Variants in CUBN observed in about 807,000 individuals in gnomAD.
The protein encoded by CUBN is cubilin, also known as 460 kDa receptor.
A neutral mutation model predicts 405.3 loss-of-function variants in CUBN; 282 were observed. That is an observed-to-expected ratio of 0.70 (90% confidence interval 0.63 to 0.77). CUBN has a LOEUF of 0.77. Among genes scored for constraint, CUBN ranks in the 30% least tolerant of loss-of-function variants. The pLI is 0.00. For missense variants in CUBN, 4,514 were observed against 4,475.2 expected (o/e 1.01, Z -0.25); for synonymous variants, 1,684 against 1,617.0 (o/e 1.04, Z -0.99).
Position 16,920,020 on chromosome 10 carries a change from G to C in CUBN, c.6764C>G (p.Pro2255Arg). 1 of 1,613,900 alleles carries C rather than the reference G, an allele frequency of 6.2e-7. No homozygotes were observed. Among genetic ancestry groups the C allele is most frequent in the Non-Finnish European group, 8.5e-7 (1 of 1,179,958 alleles). ...AAATTGCAGCTGTATGCGTGTTTCC[G>C]GTGGAGCCGCTAAGATCCAAATGCA... is the stretch of plus-strand genomic sequence containing the variant. ...ADCIWILAAP[P>R]ETRIQLQFED... Residue 2255 changes from proline to arginine, a missense_variant, in exon 44 of 67, where the codon CCG (proline) becomes CGG (arginine). By Grantham distance (103) the Pro-to-Arg change is moderately radical (BLOSUM62 -2). This residue lies in a region of CUBN where 1,613 missense variants were observed against 1,542.8 expected (regional missense o/e 1.05). Transcript: ENST00000377833.
chr10:16,906,115 AAAC>A lies in CUBN; in HGVS notation c.7912+85_7912+87del, dbSNP rs377611276. 463 of 1,117,666 alleles carry A rather than the reference AAAC, an allele frequency of 4.1e-4. 1 individual carries two copies. In the African/African-American group the frequency reaches 5.6e-3, roughly 13 times the overall value. The allele number at this position is 1,117,666 out of a possible 1,614,324, so 69.2% of individuals were successfully genotyped here. ...GGCAAGAGAGCAAGCTCCTGTCTCA[AAAC>A]AACAACAACAGCAGCGACAACAACA... On this transcript the variant is annotated intron_variant, in intron 50 of 66. Coordinates refer to ENST00000377833, the MANE Select transcript of CUBN (RefSeq NM_001081.4).
intron 65 of CUBN, among the ~76,000 whole-genome samples, chr10:16,829,396 G>C (rs1403713942): frequency 6.6e-6 from 1 of 150,626 alleles, no homozygotes; most frequent in Non-Finnish European, 1.5e-5. Context: ...AAATCAAGTT[G>C]TTGTCTGTGT....
chr10:16,973,351 A>G (rs1832994661), intron 31 of CUBN, among the ~76,000 whole-genome samples: 1 of 152,096 alleles, frequency 6.6e-6, no homozygotes, highest in Non-Finnish European at 1.5e-5. Context: ...CATTTTCACA[A>G]TGATTCCAGA....
At chr10:17,024,244 AT>A (rs980297657) in intron 27 of CUBN, among the ~76,000 whole-genome samples, 3 of 152,084 alleles carry the variant, frequency 2.0e-5, no homozygotes, top group African/African-American at 7.2e-5. Context: ...TAGAGATCCA[AT>A]TTTTTTGTAA....
chr10:16,994,619 G>A (rs1418011247), intron 28 of CUBN, among the ~76,000 whole-genome samples: 1 of 152,118 alleles, frequency 6.6e-6, no homozygotes, highest in Non-Finnish European at 1.5e-5. Flanking sequence ...AATAACACAG[G>A]CAGGGATGTT....
At chr10:16,856,785 C>A (rs11815957) in intron 59 of CUBN, among the ~76,000 whole-genome samples, 14,096 of 152,042 alleles carry the variant, frequency 0.093, 2,194 homozygotes, top group African/African-American at 0.32. Flanking sequence ...GACTTCAGGC[C>A]CTCTCCTGTT....
At chr10:16,858,104 C>A (rs575005864) in intron 59 of CUBN, among the ~76,000 whole-genome samples, 2 of 151,994 alleles carry the variant, frequency 1.3e-5, no homozygotes, top group African/African-American at 4.8e-5. Context: ...CTTAATGAAG[C>A]AGATACAGGC....
At chr10:17,096,809 A>T (rs1055842595) in intron 14 of CUBN, among the ~76,000 whole-genome samples, 2 of 152,128 alleles carry the variant, frequency 1.3e-5, no homozygotes, top group Admixed American at 1.3e-4. Flanking sequence ...ATTAGTGATC[A>T]CATTGGTAAA....
chr10:16,981,112 T>C (rs1476509341), intron 31 of CUBN, among the ~76,000 whole-genome samples: 1 of 151,268 alleles, frequency 6.6e-6, no homozygotes, highest in African/African-American at 2.4e-5. Context: ...CCCACCCAAA[T>C]GTTGCCTTTT....
chr10:17,126,911 C>A, intron 3 of CUBN, 112 bp from the exon 4 acceptor site: 1 of 1,081,554 alleles, frequency 9.2e-7, no homozygotes, highest in Non-Finnish European at 1.4e-6. Context: ...ACACTTTGTT[C>A]ATTCCTCCTT....
At chr10:17,016,332 C>A (rs1174460177) in intron 28 of CUBN, among the ~76,000 whole-genome samples, 1 of 152,116 alleles carries the variant, frequency 6.6e-6, no homozygotes, top group African/African-American at 2.4e-5. Context: ...CAGTGGGGAT[C>A]CATACTGGGG....
At chr10:16,825,681 G>A (rs1838755312) in intron 66 of CUBN, among the ~76,000 whole-genome samples, 1 of 147,168 alleles carries the variant, frequency 6.8e-6, no homozygotes, top group Admixed American at 6.8e-5. Flanking sequence ...GTGTTGGGGG[G>A]ATACATGGGT....
intron 15 of CUBN, among the ~76,000 whole-genome samples, chr10:17,086,778 T>C (rs1046097511): frequency 1.3e-5 from 2 of 152,188 alleles, no homozygotes; most frequent in African/African-American, 4.8e-5. Flanking sequence ...AGCATAACTT[T>C]ATTCTAATAT....
chr10:16,889,366 C>T lies in CUBN; in HGVS notation c.8756-800G>A, dbSNP rs1270608528. ...TCTACTGTATTACTTCCTCTAATTC[C>T]TTTCCTCAAACTTTTCCCTAAACAG... On this transcript the variant is annotated intron_variant, in intron 55 of 66. Transcript: ENST00000377833. Among the ~76,000 whole-genome samples the T allele has an allele frequency of 2.0e-5, 3 of 152,152 alleles. No individual in the cohort carries two copies. The East Asian group carries it at 5.8e-4, about 29-fold the overall frequency.
chr10:16,860,962 T>G (rs1298739757), intron 59 of CUBN, among the ~76,000 whole-genome samples: 1 of 152,194 alleles, frequency 6.6e-6, no homozygotes, highest in Non-Finnish European at 1.5e-5. Flanking sequence ...AAACAATGAC[T>G]GGCTCCTCTT....
Position 16,865,819 on chromosome 10 carries a change from G to GT in CUBN, c.9454+3816dup, listed in dbSNP as rs1554784653. Among the ~76,000 whole-genome samples the GT allele has an allele frequency of 1.3e-3, 194 of 152,122 alleles. 1 individual carries two copies. Among genetic ancestry groups the GT allele is most frequent in the African/African-American group, 4.5e-3 (185 of 41,488 alleles). Reference sequence around the variant, plus strand: ...TACCCTTCCACGCTGCGGAAGTTTTGTTTTTTTGCTCTTTACAATAAACCC... The same window carrying GT: ...TACCCTTCCACGCTGCGGAAGTTTTGTTTTTTTTGCTCTTTACAATAAACCC... On this transcript the variant is annotated intron_variant, in intron 59 of 66. Coordinates refer to ENST00000377833, the MANE Select transcript of CUBN (RefSeq NM_001081.4).
intron 59 of CUBN, among the ~76,000 whole-genome samples, chr10:16,867,744 C>T (rs1840227964): frequency 6.6e-6 from 1 of 152,154 alleles, no homozygotes; most frequent in Non-Finnish European, 1.5e-5. Flanking sequence ...ATGACTCGTG[C>T]ATAGAGAATG....
intron 51 of CUBN, among the ~76,000 whole-genome samples, chr10:16,902,236 T>C (rs186657898): frequency 0.014 from 1,940 of 136,316 alleles, 19 homozygotes; most frequent in Middle Eastern, 0.022. Flanking sequence ...TGTATATATA[T>C]ACTATATATA....
chr10:16,995,494 A>AT lies in CUBN; in HGVS notation c.4169-4980dup, dbSNP rs998959884. 2.9e-4 allele frequency among the ~76,000 whole-genome samples: 44 copies of AT among 149,696 alleles called. No individual in the cohort carries two copies. In the Middle Eastern group the frequency reaches 0.01, roughly 35 times the overall value. ...CACATGCTGTGTATTCTATCTTTAC[A>AT]TTTTTTTTTTACTCTTTTCTTTTGA... On this transcript the variant is annotated intron_variant, in intron 28 of 66. Coordinates refer to ENST00000377833, the MANE Select transcript of CUBN (RefSeq NM_001081.4).
Sources: gnomAD v4.1 joint callset for allele counts (sites outside exome capture counted in the v4.1 genomes callset) on GRCh38, gnomAD v4.1.1 for gene constraint, gnomAD v4.1.1 regional missense constraint, MANE v1.5 for transcripts, NCBI Gene and HGNC (gene_info 2026-07-23, HGNC 2026-07-21) for gene names.